MYO9B: variants seen among roughly 807,000 people sequenced by gnomAD.
MYO9B encodes the protein unconventional myosin-IXb.
Under a neutral mutation model 229.5 loss-of-function variants are expected in MYO9B, and 71 were observed. The observed-to-expected ratio is 0.31, with a 90% CI of 0.26 to 0.38. The LOEUF (loss-of-function observed/expected upper bound fraction) is 0.38. Among genes scored for constraint, MYO9B ranks in the 10% least tolerant of loss-of-function variants. The pLI is 1.00. For missense variants in MYO9B, 2,255 were observed against 2,920.5 expected, an observed-to-expected ratio of 0.77 and a Z score of 5.25; for synonymous variants, 1,185 against 1,235.8, an observed-to-expected ratio of 0.96 and a Z score of 0.86.
intron 36 of MYO9B, 91 bp downstream of exon 36, chr19:17,209,800 A>C: frequency 1.0e-6 from 1 of 989,922 alleles, no homozygotes; most frequent in East Asian, 4.9e-5. Context: ...GTTGCTGGGA[A>C]GGCTGGTGAG....
chr19:17,179,914 T>TAA (rs1366231593), intron 14 of MYO9B, among the ~76,000 whole-genome samples: 4 of 143,760 alleles, frequency 2.8e-5, no homozygotes, highest in African/African-American at 1.0e-4. Flanking sequence ...AAAAATAAAA[T>TAA]AAAAATAAAA....
intron 1 of MYO9B, among the ~76,000 whole-genome samples, chr19:17,097,330 A>T (rs948291551): frequency 1.7e-4 from 17 of 102,168 alleles, no homozygotes; most frequent in Middle Eastern, 3.9e-3. Flanking sequence ...CAAAAAAATT[A>T]AAAAAAAAAA....
In MYO9B at chr19:17,185,884, C is replaced by T. The variant is rs377605105; in HGVS notation, c.2497-37C>T. 18 of 1,576,532 alleles carry T rather than the reference C, an allele frequency of 1.1e-5. No homozygotes were observed. In the African/African-American group the frequency reaches 1.3e-4, roughly 12 times the overall value. On this transcript the variant is annotated intron_variant, in intron 17 of 39. Coordinates refer to ENST00000682292, the MANE Select transcript of MYO9B (RefSeq NM_004145.4). ...CACAGAACAGCGGCTGTCAGGGTCC[C>T]TGATTCAACCCAAATGCTTTCTCTT...
rs375593911 is a variant in MYO9B at position 17,195,864 on chromosome 19, C to A, written c.4046+391C>A. The stretch of plus-strand genomic sequence containing the variant: ...CTTGCTCTGCCTGAGCCTTAGTAAG[C>A]CAAGTGTCAGTGACTTGGAATCTCC... On this transcript the variant is annotated intron_variant, in intron 22 of 39. Transcript: ENST00000682292. This position sits in a 1 kb window ranked among gnomAD's most constrained non-coding sequence, Gnocchi z 4.5. Among the ~76,000 whole-genome samples, 158 of 152,086 alleles carry A rather than the reference C, an allele frequency of 1.0e-3. 6 individuals are homozygous for A. The South Asian group carries it at 0.032, about 31-fold the overall frequency.
At chr19:17,197,975 A>G (rs1196089787) in intron 23 of MYO9B, 117 bp downstream of exon 23, 1 of 1,412,102 alleles carries the variant, frequency 7.1e-7, no homozygotes, top group Non-Finnish European at 9.7e-7. Flanking sequence ...AATCGCTTGA[A>G]CGCAGTGGCA....
rs768847515 is a variant in MYO9B at position 17,172,526 on chromosome 19, T to A, written c.1935+49T>A. The A allele has an allele frequency of 4.5e-5, 72 of 1,604,264 alleles. No homozygotes were observed. The highest frequency in any genetic ancestry group is 6.8e-5 in the Admixed American group (4 of 58,700). On this transcript the variant is annotated intron_variant, in intron 12 of 39. Coordinates refer to ENST00000682292, the MANE Select transcript of MYO9B (RefSeq NM_004145.4). This position sits in a 1 kb window ranked among gnomAD's most constrained non-coding sequence, Gnocchi z 8.2. Reference sequence around the variant, plus strand: ...GGTGGAAGCCTGAGGGAAGCCACAGTCAGCCCAGAAGCCCATGTGGGAGGA... The same window carrying A: ...GGTGGAAGCCTGAGGGAAGCCACAGACAGCCCAGAAGCCCATGTGGGAGGA...
At position 17,167,926 on chromosome 19, in the gene MYO9B, C is replaced by T. The variant is rs370133973; in HGVS notation, c.1672-17C>T. 13 of 1,555,120 alleles carry T rather than the reference C, an allele frequency of 8.4e-6. No homozygotes were observed. The East Asian group carries it at 9.7e-5, about 12-fold the overall frequency. ...CTGGGAGATAAGAAACTTACCGACC[C>T]CGCGCCACCCCTGCAGGAGGAATAT... On this transcript the variant is annotated splice_polypyrimidine_tract_variant and intron_variant, in intron 10 of 39. Transcript: ENST00000682292.
intron 19 of MYO9B, among the ~76,000 whole-genome samples, chr19:17,189,663 C>A (rs745659613): frequency 2.6e-5 from 4 of 151,996 alleles, no homozygotes; most frequent in African/African-American, 9.7e-5. Flanking sequence ...CTAACTCCCC[C>A]ACAAGTCCTA....
intron 19 of MYO9B, among the ~76,000 whole-genome samples, chr19:17,190,102 G>T (rs991159188): frequency 2.6e-5 from 4 of 151,086 alleles, no homozygotes; most frequent in Non-Finnish European, 5.9e-5. Context: ...CTGTTGACCT[G>T]GCATGGTGGC....
At position 17,209,712 on chromosome 19, in the gene MYO9B, G is replaced by A; in HGVS notation, c.5748+3G>A. 4 of 1,613,630 alleles carry A rather than the reference G, an allele frequency of 2.5e-6. No homozygotes were observed. The highest frequency in any genetic ancestry group is 1.3e-5 in the African/African-American group (1 of 75,070). ...TTTCGCTCCTGCGACAAAATGCTGT[G>A]AGTACCGGTGATCGTGGGGGCGGGA... On this transcript the variant is annotated splice_donor_region_variant and intron_variant, in intron 36 of 39. Transcript: ENST00000682292.
chr19:17,126,757 C>T (rs981226622), intron 2 of MYO9B, among the ~76,000 whole-genome samples: 3 of 151,422 alleles, frequency 2.0e-5, no homozygotes, highest in Non-Finnish European at 2.9e-5. Context: ...CTCCTCCTCC[C>T]GGGTTCAAGC....
chr19:17,201,845 G>T, intron 26 of MYO9B, 81 bp from the exon 27 acceptor site: 1 of 990,850 alleles, frequency 1.0e-6, no homozygotes, highest in Non-Finnish European at 1.6e-6. Context: ...AGAGAGGATA[G>T]AAGTGACCCC....
chr19:17,192,649 C>T (rs1404160671), intron 20 of MYO9B, 97 bp from the exon 21 acceptor site: 1 of 1,014,658 alleles, frequency 9.9e-7, no homozygotes, highest in Non-Finnish European at 1.4e-6. Flanking sequence ...GCACACCAGC[C>T]TAGGTCTCAC....
Position 17,187,946 on chromosome 19 carries a change from C to A in MYO9B, c.2589C>A (p.Cys863Ter). 1 of 1,587,104 alleles carries A rather than the reference C, an allele frequency of 6.3e-7. No individual in the cohort carries two copies. Among genetic ancestry groups the A allele is most frequent in the Non-Finnish European group, 8.6e-7 (1 of 1,166,766 alleles). Residue 863 changes from cysteine (C) to a stop codon, truncating the protein, a stop_gained, in exon 19 of 40, where the codon TGC becomes TGA. Coordinates refer to ENST00000682292, the MANE Select transcript of MYO9B (RefSeq NM_004145.4). LOFTEE classifies it high-confidence loss of function. ...IRSNAEKKEL[C>*]FDDELVLQQL... Reference sequence around the variant, plus strand: ...CATTCCCATTTCAGAAAGAGCTGTGCTTTGACGACGAGCTGGTCCTGCAGC... The same window carrying A: ...CATTCCCATTTCAGAAAGAGCTGTGATTTGACGACGAGCTGGTCCTGCAGC...
At chr19:17,144,782 AAC>A (rs2072386111) in intron 2 of MYO9B, among the ~76,000 whole-genome samples, 1 of 151,850 alleles carries the variant, frequency 6.6e-6, no homozygotes, top group South Asian at 2.1e-4. Flanking sequence ...CAGACTGGGC[AAC>A]ACAGTGAAAC....
chr19:17,080,015 C>T (rs1243711689), intron 1 of MYO9B, among the ~76,000 whole-genome samples: 1 of 151,904 alleles, frequency 6.6e-6, no homozygotes, highest in East Asian at 1.9e-4. Context: ...TTCAGAAATG[C>T]AGCTGACGAG....
intron 2 of MYO9B, among the ~76,000 whole-genome samples, chr19:17,137,487 C>G (rs2072285788): frequency 1.3e-5 from 2 of 152,144 alleles, no homozygotes; most frequent in African/African-American, 4.8e-5. Flanking sequence ...GGCTACTTCC[C>G]AGACCCCCTT....
intron 2 of MYO9B, among the ~76,000 whole-genome samples, chr19:17,142,469 AT>A (rs921246008): frequency 1.5e-4 from 22 of 151,676 alleles, no homozygotes; most frequent in African/African-American, 4.1e-4. Context: ...TTTTACGCCA[AT>A]TTTTTTTTAA....
Position 17,152,417 on chromosome 19 carries a change from T to C in MYO9B, c.936-227T>C, listed in dbSNP as rs566173044. ...ACTAAAAATACAAAAATTAGCTGGG[T>C]GGGGGTTGGCACACCCCTGTAGTTC... On this transcript the variant is annotated intron_variant, in intron 3 of 39. Coordinates refer to ENST00000682292, the MANE Select transcript of MYO9B (RefSeq NM_004145.4). 2.0e-5 allele frequency among the ~76,000 whole-genome samples: 3 copies of C among 149,116 alleles called. No individual in the cohort carries two copies. The South Asian group carries it at 6.5e-4, about 32-fold the overall frequency.
Sources: gnomAD v4.1 joint callset for allele counts (sites outside exome capture counted in the v4.1 genomes callset) on GRCh38, gnomAD v4.1.1 for gene constraint, Gnocchi (gnomAD v3.1) non-coding constraint, MANE v1.5 for transcripts, NCBI Gene and HGNC (gene_info 2026-07-23, HGNC 2026-07-21) for gene names.